The following ZNF608 variants were observed in gnomAD, a reference collection of about 807,000 sequenced individuals.
ZNF608 encodes the protein zinc finger protein 608, also known as renal carcinoma antigen NY-REN-36.
Under a neutral mutation model 109.0 loss-of-function variants are expected in ZNF608, and 12 were observed. The ratio of observed to expected loss-of-function variants is 0.11; its 90% CI spans 0.07 to 0.18. ZNF608 has a LOEUF of 0.18. ZNF608 is among the 10% of genes least tolerant of loss of function. The probability of loss-of-function intolerance (pLI) is 1.00; values close to 1 mark genes in which losing one functional copy is unlikely to be tolerated. For missense variants in ZNF608, 1,707 were observed against 1,879.3 expected (o/e 0.91, Z 1.70); for synonymous variants, 732 against 717.4 (o/e 1.02, Z -0.33).
chr5:124,641,147 TA>T, intron 8 of ZNF608, 104 bp downstream of exon 8: 1 of 1,429,110 alleles, frequency 7.0e-7, no homozygotes, highest in Non-Finnish European at 9.8e-7. Flanking sequence ...TCCTGAGAGC[TA>T]ATGTGAACTC....
intron 3 of ZNF608, among the ~76,000 whole-genome samples, chr5:124,649,954 A>G (rs185969805): frequency 1.3e-5 from 2 of 152,366 alleles, no homozygotes; most frequent in East Asian, 3.9e-4. Context: ...AGTGTAATCA[A>G]GATACTGCTG....
intron 3 of ZNF608, among the ~76,000 whole-genome samples, chr5:124,667,583 A>AAT (rs1435679890): frequency 6.6e-6 from 1 of 152,234 alleles, no homozygotes; most frequent in East Asian, 1.9e-4. Context: ...CTGGCATGCT[A>AAT]ATGACAGACA....
At chr5:124,650,678 A>G (rs1347471724) in intron 3 of ZNF608, among the ~76,000 whole-genome samples, 1 of 152,268 alleles carries the variant, frequency 6.6e-6, no homozygotes, top group Admixed American at 6.5e-5. Flanking sequence ...ATATTTTAAT[A>G]GAACCTTGAT....
In ZNF608 at chr5:124,638,809, C is replaced by T. The variant is rs542768547; in HGVS notation, c.4532+324G>A. The T allele has an allele frequency of 9.2e-6, 10 of 1,092,416 alleles. No individual in the cohort carries two copies. The South Asian group carries it at 1.8e-4, about 20-fold the overall frequency. The allele number at this position is 1,092,416 out of a possible 1,614,324, so 67.7% of individuals were successfully genotyped here. On this transcript the variant is annotated intron_variant, in intron 9 of 9. Transcript: ENST00000513986. The stretch of plus-strand genomic sequence containing the variant: ...TTAGCATTATGAAAATAAATGTCTC[C>T]ATTTGCGACTTTATCTTTAAACATA...
chr5:124,650,052 G>T (rs190583136), intron 3 of ZNF608, among the ~76,000 whole-genome samples: 1 of 152,188 alleles, frequency 6.6e-6, no homozygotes, highest in African/African-American at 2.4e-5. Flanking sequence ...AATTGCTTTC[G>T]TTTGGCAAGC....
At chr5:124,667,266 G>C (rs1751516693) in intron 3 of ZNF608, among the ~76,000 whole-genome samples, 1 of 152,174 alleles carries the variant, frequency 6.6e-6, no homozygotes, top group Non-Finnish European at 1.5e-5. Flanking sequence ...TGGGGGGCAA[G>C]AAATATCTTT....
chr5:124,691,935 T>C (rs1388898029), intron 3 of ZNF608, among the ~76,000 whole-genome samples: 1 of 151,910 alleles, frequency 6.6e-6, no homozygotes, highest in East Asian at 1.9e-4. Context: ...ATCAAGAAAA[T>C]GAACTAACAT....
chr5:124,685,631 A>C (rs1471206229), intron 3 of ZNF608, among the ~76,000 whole-genome samples: 1 of 151,810 alleles, frequency 6.6e-6, no homozygotes, highest in Non-Finnish European at 1.5e-5. Flanking sequence ...AAAAAAAAAA[A>C]ACAACAACAG....
At chr5:124,669,658 AACACACACACAC>A (rs56258363) in intron 3 of ZNF608, among the ~76,000 whole-genome samples, 1 of 148,156 alleles carries the variant, frequency 6.7e-6, no homozygotes, top group Non-Finnish European at 1.5e-5. Flanking sequence ...AACACACACA[AACACACACACAC>A]ACACACACAC....
chr5:124,644,421 G>T lies in ZNF608; in HGVS notation c.3946C>A (p.Arg1316=), dbSNP rs749897511. The T allele has an allele frequency of 6.2e-7, 1 of 1,614,024 alleles. No individual in the cohort carries two copies. Among genetic ancestry groups the T allele is most frequent in the Admixed American group, 1.7e-5 (1 of 60,012 alleles). The change falls in exon 6 of 10, where the codon CGA becomes AGA. Residue 1316 remains arginine (R), a synonymous_variant. Coordinates refer to ENST00000513986, the MANE Select transcript of ZNF608 (RefSeq NM_020747.3). The part of the protein sequence containing the change: ...MEESKLKNDD[R]KTPVNWKDSR... The stretch of plus-strand genomic sequence containing the variant: ...TCCTTCCAGTTCACAGGAGTCTTTC[G>T]ATCATCATTTTTCAGCTTGCTCTCC...
At chr5:124,682,330 C>T (rs1318930443) in intron 3 of ZNF608, among the ~76,000 whole-genome samples, 1 of 152,224 alleles carries the variant, frequency 6.6e-6, no homozygotes, top group Non-Finnish European at 1.5e-5. Context: ...GCCTTGGCCT[C>T]CCAAAGTGCT....
chr5:124,643,575 G>T lies in ZNF608; in HGVS notation c.4232C>A (p.Thr1411Asn), dbSNP rs761912699. The change falls in exon 7 of 10, where the codon ACT becomes AAT. Residue 1411 changes from threonine to asparagine, a missense_variant. Physicochemically the swap from Thr to Asn is moderately conservative, Grantham distance 65. Coordinates refer to ENST00000513986, the MANE Select transcript of ZNF608 (RefSeq NM_020747.3). ...GAGCAAATCCAGTGCTTTAGATTCA[G>T]TGGTTGTTTTCGTGTTGACGCTAGG... Reference protein sequence around the residue: ...TSPSVNTKTTTESKALDLLQQ... With the variant: ...TSPSVNTKTTNESKALDLLQQ... 11 of 1,614,086 alleles carry T rather than the reference G, an allele frequency of 6.8e-6. No individual in the cohort carries two copies. In the African/African-American group the frequency reaches 1.5e-4, roughly 22 times the overall value.
intron 5 of ZNF608, among the ~76,000 whole-genome samples, chr5:124,646,342 A>C (rs1461811970): frequency 6.6e-6 from 1 of 152,188 alleles, no homozygotes; most frequent in African/African-American, 2.4e-5. Context: ...TGGGTGACAG[A>C]GAGAGATTCC....
intron 2 of ZNF608, among the ~76,000 whole-genome samples, chr5:124,740,147 C>T (rs1023758673): frequency 6.6e-6 from 1 of 152,078 alleles, no homozygotes; most frequent in Non-Finnish European, 1.5e-5. Flanking sequence ...ATGCATATTC[C>T]TTCTCTCTCC....
intron 3 of ZNF608, among the ~76,000 whole-genome samples, chr5:124,662,941 G>A (rs183425577): frequency 6.6e-6 from 1 of 152,140 alleles, no homozygotes; most frequent in Admixed American, 6.6e-5. Flanking sequence ...TAACACTTGG[G>A]GGTTGCCACC....
chr5:124,644,270 G>A lies in ZNF608; in HGVS notation c.4097C>T (p.Ser1366Phe). 6.2e-7 allele frequency: 1 copy of A among 1,611,226 alleles called. No individual in the cohort carries two copies. The highest frequency in any genetic ancestry group is 8.5e-7 in the Non-Finnish European group (1 of 1,177,560). The change falls in exon 6 of 10, where the codon TCT becomes TTT. Residue 1366 changes from serine to phenylalanine, a missense_variant. Ser to Phe is a radical substitution (Grantham distance 155). This residue lies in a region of ZNF608 where 1,073 missense variants were observed against 1,133.5 expected (regional missense o/e 0.95). Coordinates refer to ENST00000513986, the MANE Select transcript of ZNF608 (RefSeq NM_020747.3). ...AGGATAACTGTGCATTAGGACGGGA[G>A]AAACAGCCCGGTATGCAGGATGGCT... The part of the protein sequence containing the change: ...DPSHPAYRAV[S>F]PVLMHSYPGA...
chr5:124,666,639 T>C (rs1387787957), intron 3 of ZNF608, among the ~76,000 whole-genome samples: 1 of 152,002 alleles, frequency 6.6e-6, no homozygotes, highest in Non-Finnish European at 1.5e-5. Context: ...CCCCCAGCCC[T>C]GGAAGATTAG....
At chr5:124,714,364 TC>T (rs1395343027) in intron 2 of ZNF608, among the ~76,000 whole-genome samples, 2 of 152,186 alleles carry the variant, frequency 1.3e-5, no homozygotes, top group African/African-American at 4.8e-5. Context: ...AGTTCTTTCA[TC>T]CAGAAGTCTA....
intron 3 of ZNF608, among the ~76,000 whole-genome samples, chr5:124,659,035 C>T (rs1011228436): frequency 6.6e-6 from 1 of 152,092 alleles, no homozygotes; most frequent in Non-Finnish European, 1.5e-5. Flanking sequence ...GAGAGGGAAA[C>T]AGCTTTCACT....
Sources: allele counts gnomAD v4.1 joint callset (sites outside exome capture counted in the v4.1 genomes callset), GRCh38; gene constraint gnomAD v4.1.1; regional missense constraint gnomAD v4.1.1; transcripts MANE v1.5; gene names NCBI Gene and HGNC (gene_info 2026-07-23, HGNC 2026-07-21).